Variants in CYP27A1 observed in about 807,000 individuals in gnomAD.
CYP27A1 encodes cytochrome P450 family 27 subfamily A member 1.
Under a neutral mutation model 58.2 loss-of-function variants are expected in CYP27A1, and 46 were observed. The ratio of observed to expected loss-of-function variants is 0.79; its 90% CI spans 0.62 to 1.01. The LOEUF (loss-of-function observed/expected upper bound fraction) is 1.01, where lower values mean the gene tolerates loss of function less well. Among genes scored for constraint, CYP27A1 ranks in the 50% least tolerant of loss-of-function variants. The pLI is 0.00. For missense variants in CYP27A1, 704 were observed against 687.0 expected (o/e 1.02, Z -0.28); for synonymous variants, 274 against 285.1 (o/e 0.96, Z 0.39).
Position 218,814,591 on chromosome 2 carries a change from C to T in CYP27A1, c.1310C>T (p.Ala437Val), listed in dbSNP as rs1335576278. 6.2e-7 allele frequency: 1 copy of T among 1,614,218 alleles called. No homozygotes were observed. The highest frequency in any genetic ancestry group is 8.5e-7 in the Non-Finnish European group (1 of 1,180,026). Residue 437 changes from alanine to valine, a missense_variant, in exon 8 of 9, where the codon GCC (alanine) becomes GTC (valine). Coordinates refer to ENST00000258415, the MANE Select transcript of CYP27A1 (RefSeq NM_000784.4). ...CHYVVSRDPT[A>V]FSEPESFQPH... ...TATGTGGTGTCCCGGGACCCCACTG[C>T]CTTCTCTGAGCCTGAAAGCTTCCAG...
At chr2:218,805,356 T>G (rs1285625066) in intron 1 of CYP27A1, among the ~76,000 whole-genome samples, 56 of 152,200 alleles carry the variant, frequency 3.7e-4, no homozygotes. Flanking sequence ...TTGACAACTG[T>G]TAAGTATGTA....
In CYP27A1 at chr2:218,815,238, C is replaced by T. The variant is rs188132116; in HGVS notation, c.*208C>T. ...CTCAGCTAAAAGGCCACCCCTTTATCGCATTGCTGTCCTTGGGTAGAATAT... is the reference window on the plus strand; with the variant it reads ...CTCAGCTAAAAGGCCACCCCTTTATTGCATTGCTGTCCTTGGGTAGAATAT... On this transcript the variant is annotated 3_prime_UTR_variant, in exon 9 of 9. Transcript: ENST00000258415. The T allele has an allele frequency of 3.0e-5, 18 of 596,976 alleles. No individual in the cohort carries two copies. The highest frequency in any genetic ancestry group is 8.6e-5 in the Admixed American group (3 of 35,042). The allele number at this position is 596,976 out of a possible 1,614,324, so 37.0% of individuals were successfully genotyped here.
chr2:218,782,375 C>G lies in CYP27A1; in HGVS notation c.193C>G (p.Gln65Glu), dbSNP rs1553614310. Residue 65 changes from glutamine to glutamate, a missense_variant, in exon 1 of 9, where the codon CAG (glutamine) becomes GAG (glutamate). Gln to Glu is a conservative substitution (Grantham distance 29). Coordinates refer to ENST00000258415, the MANE Select transcript of CYP27A1 (RefSeq NM_000784.4). This position sits in a 1 kb window ranked among gnomAD's most constrained non-coding sequence, Gnocchi z 4.1. ...RSLEEIPRLG[Q>E]LRFFFQLFVQ... ...CTTAGAGGAGATTCCACGTCTAGGACAGCTGCGCTTCTTCTTTCAGCTGTT... is the reference window on the plus strand; with the variant it reads ...CTTAGAGGAGATTCCACGTCTAGGAGAGCTGCGCTTCTTCTTTCAGCTGTT... 10 of 1,614,222 alleles carry G rather than the reference C, an allele frequency of 6.2e-6. No individual in the cohort carries two copies. The highest frequency in any genetic ancestry group is 1.3e-5 in the African/African-American group (1 of 75,074).
At chr2:218,794,972 C>G (rs893956659) in intron 1 of CYP27A1, among the ~76,000 whole-genome samples, 3 of 152,130 alleles carry the variant, frequency 2.0e-5, no homozygotes, top group Non-Finnish European at 4.4e-5. Context: ...CCTTGCATCC[C>G]TGAATCCTGA....
In CYP27A1 at chr2:218,814,903, C is replaced by T. The variant is rs1461082000; in HGVS notation, c.1477-8C>T. The T allele has an allele frequency of 1.9e-5, 30 of 1,614,178 alleles. No homozygotes were observed. Among genetic ancestry groups the T allele is most frequent in the Non-Finnish European group, 2.5e-5 (30 of 1,180,020 alleles). ...TCCACCCAACCACATGTGCTCTTTA[C>T]CCCCCAGCTGATCCAGAAGTACAAG... On this transcript the variant is annotated splice_polypyrimidine_tract_variant and splice_region_variant and intron_variant, in intron 8 of 8. Transcript: ENST00000258415.
At chr2:218,787,729 C>T (rs922631295) in intron 1 of CYP27A1, among the ~76,000 whole-genome samples, 7 of 152,298 alleles carry the variant, frequency 4.6e-5, no homozygotes, top group Non-Finnish European at 8.8e-5. Context: ...GATGACATTG[C>T]AAGAAGGTCC....
At chr2:218,804,886 G>A (rs1027739597) in intron 1 of CYP27A1, among the ~76,000 whole-genome samples, 1 of 152,244 alleles carries the variant, frequency 6.6e-6, no homozygotes, top group Non-Finnish European at 1.5e-5. Flanking sequence ...CTGTAGGCTA[G>A]AAGTGAGAGA....
chr2:218,788,704 C>T (rs541177063), intron 1 of CYP27A1, among the ~76,000 whole-genome samples: 2 of 152,114 alleles, frequency 1.3e-5, no homozygotes, highest in Non-Finnish European at 2.9e-5. Context: ...TATCTCTCTC[C>T]CTTGGACTGT....
At position 218,815,071 on chromosome 2, in the gene CYP27A1, A is replaced by G; in HGVS notation, c.*41A>G. On this transcript the variant is annotated 3_prime_UTR_variant, in exon 9 of 9. Coordinates refer to ENST00000258415, the MANE Select transcript of CYP27A1 (RefSeq NM_000784.4). ...TGCTGGGGCTTGTCCTAGAGGCTCC[A>G]GCTCTGGCACAGTGGTTCCTGGCTG... 1 of 1,613,540 alleles carries G rather than the reference A, an allele frequency of 6.2e-7. No individual in the cohort carries two copies. The highest frequency in any genetic ancestry group is 8.5e-7 in the Non-Finnish European group (1 of 1,179,702).
At chr2:218,812,842 T>C in intron 4 of CYP27A1, 82 bp from the exon 5 acceptor site, 1 of 1,606,474 alleles carries the variant, frequency 6.2e-7, no homozygotes, top group Non-Finnish European at 8.5e-7. Context: ...TCCCTCATGC[T>C]ACCAGTTGTC....
intron 1 of CYP27A1, among the ~76,000 whole-genome samples, chr2:218,805,360 G>A (rs78023663): frequency 2.6e-3 from 391 of 152,256 alleles, no homozygotes; most frequent in African/African-American, 9.1e-3. Context: ...CAACTGTTAA[G>A]TATGTACTGA....
At chr2:218,809,845 T>A in intron 2 of CYP27A1, 78 bp downstream of exon 2, 1 of 1,378,990 alleles carries the variant, frequency 7.3e-7, no homozygotes, top group Non-Finnish European at 1.0e-6. Context: ...GGCAGGCAGG[T>A]GGATAACCGG....
In CYP27A1 at chr2:218,812,413, C is replaced by T. The variant is rs1172863594; in HGVS notation, c.638C>T (p.Ala213Val). Residue 213 changes from alanine to valine, a missense_variant, in exon 3 of 9, where the codon GCC becomes GTC. Physicochemically the swap from Ala to Val is moderately conservative, Grantham distance 64. Transcript: ENST00000258415. ...SDMAQLFYYF[A>V]LEAICYILFE... Reference sequence around the variant, plus strand: ...ATGGCTCAACTCTTCTACTACTTTGCCTTGGAAGGTACCCTTGCTGGGAGA... The same window carrying T: ...ATGGCTCAACTCTTCTACTACTTTGTCTTGGAAGGTACCCTTGCTGGGAGA... 3.1e-6 allele frequency: 5 copies of T among 1,614,024 alleles called. No individual in the cohort carries two copies. Among genetic ancestry groups the T allele is most frequent in the Middle Eastern group, 1.6e-4 (1 of 6,084 alleles).
chr2:218,783,265 A>AG (rs1943412068), intron 1 of CYP27A1, among the ~76,000 whole-genome samples: 1 of 151,404 alleles, frequency 6.6e-6, no homozygotes, highest in Non-Finnish European at 1.5e-5. Flanking sequence ...CTCAAAAAAA[A>AG]AAAAAAAAAA....
chr2:218,786,443 G>T (rs1261113208), intron 1 of CYP27A1, among the ~76,000 whole-genome samples: 2 of 152,158 alleles, frequency 1.3e-5, no homozygotes, highest in Non-Finnish European at 2.9e-5. Flanking sequence ...ATAAAAATCA[G>T]CTTTGAGAAG....
chr2:218,787,126 A>G lies in CYP27A1; in HGVS notation c.255+4689A>G, dbSNP rs144003307. On this transcript the variant is annotated intron_variant, in intron 1 of 8. Coordinates refer to ENST00000258415, the MANE Select transcript of CYP27A1 (RefSeq NM_000784.4). ...TTGTTTCTTATCATCACTTGTTTAT[A>G]TGGCTTAGAGATTGGGCTGTGAAGC... Among the ~76,000 whole-genome samples, 432 of 152,266 alleles carry G rather than the reference A, an allele frequency of 2.8e-3. 1 individual carries two copies. Among genetic ancestry groups the G allele is most frequent in the Middle Eastern group, 0.01 (3 of 294 alleles).
intron 1 of CYP27A1, among the ~76,000 whole-genome samples, chr2:218,786,502 C>T (rs549208556): frequency 2.4e-4 from 37 of 152,288 alleles, no homozygotes; most frequent in East Asian, 1.7e-3. Context: ...ATGTAAAAGT[C>T]GTACTACATA....
intron 1 of CYP27A1, among the ~76,000 whole-genome samples, chr2:218,787,823 A>G (rs1056872091): frequency 2.0e-5 from 3 of 152,178 alleles, no homozygotes; most frequent in African/African-American, 7.2e-5. Context: ...TAAATTACCC[A>G]GCCTCAGATA....
At chr2:218,811,028 G>A (rs376036673) in intron 2 of CYP27A1, among the ~76,000 whole-genome samples, 4 of 152,170 alleles carry the variant, frequency 2.6e-5, no homozygotes, top group African/African-American at 9.7e-5. Flanking sequence ...GCATGCACCT[G>A]TAGTCCCAGC....
Sources: gnomAD v4.1 joint callset for allele counts (sites outside exome capture counted in the v4.1 genomes callset) on GRCh38, gnomAD v4.1.1 for gene constraint, Gnocchi (gnomAD v3.1) non-coding constraint, MANE v1.5 for transcripts, NCBI Gene and HGNC (gene_info 2026-07-23, HGNC 2026-07-21) for gene names.